Variants in MPP1 observed in about 807,000 individuals in gnomAD.
The protein encoded by MPP1 is 55 kDa erythrocyte membrane protein.
In MPP1, 6 loss-of-function variants were observed where a neutral mutation model predicts 38.2. The observed-to-expected ratio is 0.16, with a 90% CI of 0.09 to 0.31. The LOEUF (loss-of-function observed/expected upper bound fraction) is 0.31, where lower values mean the gene tolerates loss of function less well. MPP1 is among the 10% of genes least tolerant of loss of function. MPP1 has a pLI of 1.00. For synonymous variants in MPP1, 153 were observed against 146.3 expected, an observed-to-expected ratio of 1.05 and a Z score of -0.33; for missense variants, 293 against 368.9, an observed-to-expected ratio of 0.79 and a Z score of 1.69.
chrX:154,779,304 T>C lies in MPP1; in HGVS notation c.1274A>G (p.Gln425Arg). 4 of 1,211,470 alleles carry C rather than the reference T, an allele frequency of 3.3e-6. No homozygotes were observed. Among genetic ancestry groups the C allele is most frequent in the Non-Finnish European group, 4.5e-6 (4 of 895,328 alleles). The change falls in exon 12 of 12, where the codon CAG becomes CGG. Residue 425 changes from glutamine to arginine, a missense_variant. Physicochemically the swap from Gln to Arg is conservative, Grantham distance 43 (BLOSUM62 1). Coordinates refer to ENST00000369534, the MANE Select transcript of MPP1 (RefSeq NM_002436.4). Reference protein sequence around the residue: ...LQKDSEAIRSQYAHYFDLSLV... With the variant: ...LQKDSEAIRSRYAHYFDLSLV... ...TGAGAGGTCAAAGTAGTGAGCGTACTGGCTGCGGATGGCCTCAGAGTCCTT... is the reference window on the plus strand; with the variant it reads ...TGAGAGGTCAAAGTAGTGAGCGTACCGGCTGCGGATGGCCTCAGAGTCCTT...
intron 1 of MPP1, among the ~76,000 whole-genome samples, chrX:154,800,536 C>T (rs1324812131): frequency 8.9e-6 from 1 of 112,243 alleles, no homozygotes; most frequent in African/African-American, 3.2e-5. Context: ...CCGTTCCACA[C>T]AGCAGAAACA....
At chrX:154,789,053 G>A (rs781922147) in intron 5 of MPP1, among the ~76,000 whole-genome samples, 14 of 111,381 alleles carry the variant, frequency 1.3e-4, no homozygotes, top group Admixed American at 2.8e-4. Flanking sequence ...AGGGGGCGGC[G>A]GTCTTAGGCA....
At chrX:154,787,614 C>T (rs1171727475) in intron 5 of MPP1, among the ~76,000 whole-genome samples, 1 of 111,894 alleles carries the variant, frequency 8.9e-6, no homozygotes, top group African/African-American at 3.3e-5. Flanking sequence ...CAACGTCATA[C>T]TTCTCAGTGA....
intron 1 of MPP1, among the ~76,000 whole-genome samples, chrX:154,796,027 C>T (rs895058051): frequency 2.8e-5 from 3 of 108,548 alleles, no homozygotes; most frequent in Non-Finnish European, 5.8e-5. Context: ...TCAACCTTGA[C>T]CCTGTTTAAG....
At chrX:154,787,899 C>T (rs1334037351) in intron 5 of MPP1, among the ~76,000 whole-genome samples, 2 of 112,084 alleles carry the variant, frequency 1.8e-5, no homozygotes, top group Non-Finnish European at 3.8e-5. Flanking sequence ...ACAAACAGTC[C>T]AAAAGAAAAG....
rs1357036091 is a variant in MPP1, at chrX:154,801,774, AAAAAAAAAAAAAC to A, written c.102+3485_102+3497del. The stretch of plus-strand genomic sequence containing the variant: ...ACTCTGTCTCAAAAAAAAAAAAAAA[AAAAAAAAAAAAAC>A]AAAAAACAGAAAAAAGTCATGAAGT... On this transcript the variant is annotated intron_variant, in intron 1 of 11. Coordinates refer to ENST00000369534, the MANE Select transcript of MPP1 (RefSeq NM_002436.4). Among the ~76,000 whole-genome samples the A allele has an allele frequency of 7.9e-4, 69 of 87,663 alleles. 1 individual carries two copies. The highest frequency in any genetic ancestry group is 2.0e-3 in the African/African-American group (42 of 20,835). The allele number at this position is 87,663 out of a possible 115,157, so 76.1% of individuals were successfully genotyped here. A position where few individuals can be genotyped will look rare whatever the true frequency, so the allele number is the denominator to read the frequency against.
rs187394746 is a variant in MPP1, at chrX:154,780,147, A to T, written c.1225-794T>A. 8.1e-3 allele frequency among the ~76,000 whole-genome samples: 911 copies of T among 113,035 alleles called. 9 individuals carry two copies. Among genetic ancestry groups the T allele is most frequent in the Middle Eastern group, 0.028 (6 of 217 alleles). On this transcript the variant is annotated intron_variant, in intron 11 of 11. Transcript: ENST00000369534. Reference sequence around the variant, plus strand: ...CAACACAGTGAGACCCCATTTCTACAAAAAACAAAATTTAAAAATGTGTGT... The same window carrying T: ...CAACACAGTGAGACCCCATTTCTACTAAAAACAAAATTTAAAAATGTGTGT...
intron 1 of MPP1, among the ~76,000 whole-genome samples, chrX:154,801,778 A>C (rs2072266720): frequency 3.4e-5 from 3 of 88,083 alleles, no homozygotes; most frequent in South Asian, 5.3e-4. Flanking sequence ...AAAAAAAAAA[A>C]AAAAAAAACA....
rs368500350 is a variant in MPP1, at chrX:154,792,132, G to A, written c.246+10C>T. The A allele has an allele frequency of 2.0e-4, 239 of 1,205,968 alleles. No individual in the cohort carries two copies. Among genetic ancestry groups the A allele is most frequent in the Non-Finnish European group, 2.4e-4 (218 of 892,266 alleles). On this transcript the variant is annotated intron_variant, in intron 2 of 11. Coordinates refer to ENST00000369534, the MANE Select transcript of MPP1 (RefSeq NM_002436.4). ...AGTAACTGGTGGGCGACAATATGAC[G>A]GGGGATTACCATGGGCTCTTCTGTG...
intron 6 of MPP1, 136 bp from the exon 7 acceptor site, chrX:154,785,293 C>G: frequency 2.1e-6 from 1 of 483,968 alleles, no homozygotes; most frequent in Middle Eastern, 6.0e-4. Flanking sequence ...TGCAAAGCAC[C>G]CCATACACTG....
At chrX:154,789,262 A>G (rs1309606059) in intron 5 of MPP1, among the ~76,000 whole-genome samples, 1 of 112,041 alleles carries the variant, frequency 8.9e-6, no homozygotes, top group East Asian at 2.8e-4. Context: ...TTGACTTGCC[A>G]TGGCCCTGTC....
chrX:154,790,343 C>T (rs1349877696), intron 4 of MPP1, among the ~76,000 whole-genome samples: 1 of 110,345 alleles, frequency 9.1e-6, no homozygotes, highest in African/African-American at 3.3e-5. Flanking sequence ...ACTAGCCTGG[C>T]CAACATGGTG....
chrX:154,781,513 GC>G, intron 10 of MPP1, 86 bp downstream of exon 10: 1 of 1,016,105 alleles, frequency 9.8e-7, no homozygotes, highest in Non-Finnish European at 1.4e-6. Context: ...GCAATCCTGA[GC>G]CCCCAGAAGA....
chrX:154,795,862 G>A (rs2072190282), intron 1 of MPP1, among the ~76,000 whole-genome samples: 1 of 112,092 alleles, frequency 8.9e-6, no homozygotes, highest in Non-Finnish European at 1.9e-5. Flanking sequence ...GCTATAAGAT[G>A]GGGTGAGAAG....
intron 8 of MPP1, 185 bp downstream of exon 8, chrX:154,783,843 T>C (rs1557266907): frequency 2.2e-6 from 1 of 449,350 alleles, no homozygotes; most frequent in Non-Finnish European, 3.9e-6. Context: ...AGGTTTAGTT[T>C]CATTTGTGAG....
intron 6 of MPP1, 56 bp from the exon 7 acceptor site, chrX:154,785,213 C>CA (rs1557267093): frequency 1.1e-6 from 1 of 909,037 alleles, no homozygotes; most frequent in Non-Finnish European, 1.5e-6. Context: ...CTCATACCCC[C>CA]CCCAGCCACT....
intron 1 of MPP1, among the ~76,000 whole-genome samples, chrX:154,797,126 G>A (rs190309426): frequency 8.9e-6 from 1 of 112,336 alleles, no homozygotes; most frequent in Non-Finnish European, 1.9e-5. Flanking sequence ...GTTTTGTTTA[G>A]TAAAAATCAG....
chrX:154,791,770 T>C lies in MPP1; in HGVS notation c.324A>G (p.Gln108=). 5.0e-6 allele frequency: 6 copies of C among 1,208,248 alleles called. No individual in the cohort carries two copies. Among genetic ancestry groups the C allele is most frequent in the Non-Finnish European group, 6.7e-6 (6 of 892,423 alleles). The change falls in exon 3 of 12, where the codon CAA becomes CAG. Residue 108 remains glutamine, a splice_region_variant and synonymous_variant. Transcript: ENST00000369534. ...CCACCCAGAGCTCCCACAGAGTACC[T>C]TGTCTATGGATCATGCCACCATGAA... ...RILHGGMIHR[Q]GSLHVGDEIL... is the part of the protein sequence containing the mutation.
intron 1 of MPP1, among the ~76,000 whole-genome samples, chrX:154,804,259 G>A (rs2072295709): frequency 8.9e-6 from 1 of 111,773 alleles, no homozygotes; most frequent in Non-Finnish European, 1.9e-5. Context: ...GAGGGTTACT[G>A]TAAATCCCAA....
Sources: gnomAD v4.1 joint callset for allele counts (sites outside exome capture counted in the v4.1 genomes callset) on GRCh38, gnomAD v4.1.1 for gene constraint, MANE v1.5 for transcripts, NCBI Gene and HGNC (gene_info 2026-07-23, HGNC 2026-07-21) for gene names.